ANKDD1B: variants seen among roughly 807,000 people sequenced by gnomAD.
The protein encoded by ANKDD1B is ankyrin repeat and death domain containing 1B, also known as ankyrin repeat and death domain-containing protein 1B.
ANKDD1B carries 57 observed loss-of-function variants against 59.7 expected under a neutral mutation model. The ratio of observed to expected loss-of-function variants is 0.95; its 90% CI spans 0.77 to 1.19. The LOEUF (loss-of-function observed/expected upper bound fraction) is 1.19, where lower values mean the gene tolerates loss of function less well. ANKDD1B is among the 50% of genes most tolerant of loss of function. The pLI is 0.00. For synonymous variants in ANKDD1B, 216 were observed against 239.5 expected (o/e 0.90, Z 0.91); for missense variants, 602 against 641.9 (o/e 0.94, Z 0.67).
At position 75,635,894 on chromosome 5, in the gene ANKDD1B, T is replaced by C. The variant is rs1320815040; in HGVS notation, c.798+12T>C. The stretch of plus-strand genomic sequence containing the variant: ...ATGAGATGAATGAGGTATGTGGAAG[T>C]GCTCGTTATTGCCATAGGACTTAAA... On this transcript the variant is annotated intron_variant, in intron 7 of 13. Coordinates refer to ENST00000601380, the MANE Select transcript of ANKDD1B (RefSeq NM_001276713.2). The C allele has an allele frequency of 2.0e-6, 3 of 1,469,280 alleles. No homozygotes were observed. The highest frequency in any genetic ancestry group is 2.8e-6 in the Non-Finnish European group (3 of 1,088,818). 91.0% of individuals were successfully genotyped at this position (1,469,280 alleles called of 1,614,324 possible). A position where few individuals can be genotyped will look rare whatever the true frequency, so the allele number is the denominator to read the frequency against.
intron 2 of ANKDD1B, among the ~76,000 whole-genome samples, chr5:75,619,916 A>G (rs1228986386): frequency 2.0e-5 from 3 of 152,244 alleles, no homozygotes; most frequent in African/African-American, 7.2e-5. Context: ...TTGAATATCT[A>G]GGAAAATTTC....
Position 75,625,889 on chromosome 5 carries a change from T to C in ANKDD1B, c.534T>C (p.Asn178=). 2 of 1,536,292 alleles carry C rather than the reference T, an allele frequency of 1.3e-6. No individual in the cohort carries two copies. The highest frequency in any genetic ancestry group is 8.7e-7 in the Non-Finnish European group (1 of 1,146,928). ...MSALHFATQS[N]HVRIVEYLIQ... ...CCCTCCACTTTGCCACTCAGAGCAATCATGTGCGCATCGTGGAGTATCTTA... is the reference window on the plus strand; with the variant it reads ...CCCTCCACTTTGCCACTCAGAGCAACCATGTGCGCATCGTGGAGTATCTTA... The change falls in exon 5 of 14, where the codon AAT becomes AAC. Residue 178 remains asparagine (N), a synonymous_variant. Transcript: ENST00000601380.
intron 9 of ANKDD1B, among the ~76,000 whole-genome samples, chr5:75,657,441 C>T (rs368172388): frequency 6.6e-6 from 1 of 152,138 alleles, no homozygotes. Context: ...TAGTGCATTT[C>T]CTGCCTTCTA....
At chr5:75,631,620 T>G (rs924450) in intron 5 of ANKDD1B, among the ~76,000 whole-genome samples, 4,051 of 152,246 alleles carry the variant, frequency 0.027, 181 homozygotes, top group African/African-American at 0.092. Flanking sequence ...TCTTGTCACT[T>G]TGCAACTAAG....
intron 8 of ANKDD1B, among the ~76,000 whole-genome samples, chr5:75,655,247 G>A (rs1774938212): frequency 2.0e-5 from 3 of 152,204 alleles, no homozygotes; most frequent in South Asian, 2.1e-4. Context: ...GCTCCATGAA[G>A]GGCTGTGGCT....
chr5:75,621,033 G>A (rs868149693), intron 3 of ANKDD1B, among the ~76,000 whole-genome samples: 1 of 152,188 alleles, frequency 6.6e-6, no homozygotes, highest in Non-Finnish European at 1.5e-5. Flanking sequence ...CTCCCTCCAC[G>A]CTGCTTTATG....
At chr5:75,659,682 A>AC (rs1775067063) in intron 10 of ANKDD1B, among the ~76,000 whole-genome samples, 1 of 151,850 alleles carries the variant, frequency 6.6e-6, no homozygotes, top group African/African-American at 2.4e-5. Flanking sequence ...TTTCCCACCC[A>AC]CCCCTGTTCC....
intron 7 of ANKDD1B, among the ~76,000 whole-genome samples, chr5:75,641,303 T>G (rs1247913971): frequency 2.0e-5 from 3 of 152,222 alleles, no homozygotes; most frequent in Non-Finnish European, 4.4e-5. Flanking sequence ...GTGCCTCAGC[T>G]TTTAACCCCT....
intron 2 of ANKDD1B, 56 bp from the exon 3 acceptor site, chr5:75,620,259 C>G: frequency 1.1e-6 from 1 of 900,714 alleles, no homozygotes; most frequent in Non-Finnish European, 1.7e-6. Context: ...AAACAGGAAA[C>G]CTAAAATCAC....
chr5:75,653,218 T>C lies in ANKDD1B; in HGVS notation c.875T>C (p.Val292Ala), dbSNP rs10942740. Residue 292 changes from valine (V) to alanine (A), a missense_variant, in exon 8 of 14, where the codon GTT becomes GCT. Coordinates refer to ENST00000601380, the MANE Select transcript of ANKDD1B (RefSeq NM_001276713.2). ...SLVNFLLSEN[V>A]DLHQKVEPKE... ...GTCAACTTTCTTCTCAGTGAGAACG[T>C]TGATCTGCACCAGAAAGTGGAAGTG... is the stretch of plus-strand genomic sequence containing the variant. The C allele has an allele frequency of 8.3e-3, 12,678 of 1,535,996 alleles. 687 individuals carry two copies. In the African/African-American group the frequency reaches 0.13, roughly 16 times the overall value.
intron 7 of ANKDD1B, among the ~76,000 whole-genome samples, chr5:75,640,353 C>T (rs1314490585): frequency 6.6e-6 from 1 of 152,192 alleles, no homozygotes; most frequent in Non-Finnish European, 1.5e-5. Flanking sequence ...CACTTTGACA[C>T]TTTTCAGCTG....
intron 10 of ANKDD1B, among the ~76,000 whole-genome samples, chr5:75,660,562 A>G (rs949485952): frequency 2.6e-5 from 4 of 152,212 alleles, no homozygotes; most frequent in Non-Finnish European, 4.4e-5. Flanking sequence ...AAGAAGGACA[A>G]TTTTGTTTCT....
At chr5:75,663,701 CGCG>C (rs1186709428) in intron 11 of ANKDD1B, among the ~76,000 whole-genome samples, 9 of 152,216 alleles carry the variant, frequency 5.9e-5, no homozygotes, top group African/African-American at 1.9e-4. Context: ...GAACTGAGAG[CGCG>C]TAGAGTTCAC....
intron 10 of ANKDD1B, among the ~76,000 whole-genome samples, chr5:75,661,899 A>ATTTTTT (rs35120763): frequency 1.9e-4 from 18 of 92,804 alleles, no homozygotes; most frequent in African/African-American, 4.9e-4. Flanking sequence ...GGCTCCCACA[A>ATTTTTT]TTTTTTTTTT....
rs1775488590 is a variant in ANKDD1B at position 75,671,634 on chromosome 5, T to A, written c.*594T>A. ...CTGGGTTTGGAATTTATAGTCATTGTTGACTTTAAATCACACATTTTGTGT... is the reference window on the plus strand; with the variant it reads ...CTGGGTTTGGAATTTATAGTCATTGATGACTTTAAATCACACATTTTGTGT... On this transcript the variant is annotated 3_prime_UTR_variant, in exon 14 of 14. Transcript: ENST00000601380. 2 of 152,214 alleles carry A rather than the reference T, an allele frequency of 1.3e-5. No homozygotes were observed. The highest frequency in any genetic ancestry group is 4.1e-4 in the South Asian group (2 of 4,828). 9.4% of individuals were successfully genotyped at this position (152,214 alleles called of 1,614,324 possible). A position where few individuals can be genotyped will look rare whatever the true frequency, so the allele number is the denominator to read the frequency against.
chr5:75,658,722 T>A (rs1775038820), intron 9 of ANKDD1B, among the ~76,000 whole-genome samples: 1 of 152,208 alleles, frequency 6.6e-6, no homozygotes, highest in African/African-American at 2.4e-5. Flanking sequence ...TTCCTAAAGT[T>A]TCAAATGTTA....
intron 1 of ANKDD1B, among the ~76,000 whole-genome samples, chr5:75,615,620 C>T (rs911606725): frequency 6.6e-6 from 1 of 151,844 alleles, no homozygotes; most frequent in African/African-American, 2.4e-5. Flanking sequence ...AGGCCTCTCT[C>T]CTTGGCTTAT....
At chr5:75,664,293 C>T (rs1215033454) in intron 11 of ANKDD1B, among the ~76,000 whole-genome samples, 1 of 152,196 alleles carries the variant, frequency 6.6e-6, no homozygotes, top group African/African-American at 2.4e-5. Flanking sequence ...AGCATTTACT[C>T]ATCTCCTTCT....
chr5:75,656,962 G>T (rs527445090), intron 9 of ANKDD1B, among the ~76,000 whole-genome samples: 1 of 152,280 alleles, frequency 6.6e-6, no homozygotes, highest in Non-Finnish European at 1.5e-5. Flanking sequence ...GCTCAATTTT[G>T]CTCTGAGCTG....
Sources: allele counts gnomAD v4.1 joint callset (sites outside exome capture counted in the v4.1 genomes callset), GRCh38; gene constraint gnomAD v4.1.1; transcripts MANE v1.5; gene names NCBI Gene and HGNC (gene_info 2026-07-23, HGNC 2026-07-21).